Variants in INPP5A observed in about 807,000 individuals in gnomAD.
INPP5A encodes the protein inositol polyphosphate-5-phosphatase A.
A neutral mutation model predicts 65.2 loss-of-function variants in INPP5A; 14 were observed. The ratio of observed to expected loss-of-function variants is 0.21; its 90% CI spans 0.14 to 0.34. INPP5A has a LOEUF of 0.34. Among genes scored for constraint, INPP5A ranks in the 10% least tolerant of loss-of-function variants. The pLI, the probability that INPP5A is intolerant of heterozygous loss-of-function variation, is 1.00. For synonymous variants in INPP5A, 207 were observed against 208.3 expected (o/e 0.99, Z 0.05); for missense variants, 431 against 545.6 (o/e 0.79, Z 2.09).
chr10:132,772,303 C>T (rs112961978), intron 12 of INPP5A, among the ~76,000 whole-genome samples: 1 of 19,662 alleles, frequency 5.1e-5, no homozygotes. Context: ...AGCCACCCCA[C>T]GAGGAGTGGG....
chr10:132,592,098 A>G (rs1434580095), intron 1 of INPP5A, among the ~76,000 whole-genome samples: 1 of 152,272 alleles, frequency 6.6e-6, no homozygotes, highest in Non-Finnish European at 1.5e-5. Context: ...GAACTGTGCC[A>G]TAAATGAGGG....
chr10:132,711,085 CT>C (rs1384971005), intron 8 of INPP5A, among the ~76,000 whole-genome samples: 1 of 152,186 alleles, frequency 6.6e-6, no homozygotes, highest in Non-Finnish European at 1.5e-5. Flanking sequence ...TTCTCTCTGA[CT>C]TTTTTGTGGG....
intron 4 of INPP5A, among the ~76,000 whole-genome samples, chr10:132,680,753 G>C (rs910902636): frequency 1.3e-5 from 2 of 152,240 alleles, no homozygotes; most frequent in Admixed American, 6.5e-5. Flanking sequence ...CCCGCACTCC[G>C]AGCAGCCGGC....
chr10:132,665,004 T>A (rs1001153861), intron 4 of INPP5A, among the ~76,000 whole-genome samples: 1 of 152,114 alleles, frequency 6.6e-6, no homozygotes, highest in Non-Finnish European at 1.5e-5. Flanking sequence ...TGCCCCTGCC[T>A]GCCCAGAACT....
rs55886413 is a variant in INPP5A, at chr10:132,681,498, C to T, written c.307-8894C>T. On this transcript the variant is annotated intron_variant, in intron 4 of 15. Transcript: ENST00000368594. Reference sequence around the variant, plus strand: ...CATCAGAAGGAACAAACCCCGGACACGCCGCCTTTAAGAACTGTAACACTC... The same window carrying T: ...CATCAGAAGGAACAAACCCCGGACATGCCGCCTTTAAGAACTGTAACACTC... Among the ~76,000 whole-genome samples the T allele has an allele frequency of 2.0e-4, 30 of 152,268 alleles. No individual in the cohort carries two copies. The South Asian group carries it at 5.6e-3, about 28-fold the overall frequency.
chr10:132,768,860 C>T (rs1162506547), intron 12 of INPP5A, among the ~76,000 whole-genome samples: 1 of 152,250 alleles, frequency 6.6e-6, no homozygotes, highest in East Asian at 1.9e-4. Flanking sequence ...TACATCTTCC[C>T]ATCACTGCCA....
intron 1 of INPP5A, among the ~76,000 whole-genome samples, chr10:132,595,165 C>T (rs1406225027): frequency 2.0e-5 from 3 of 152,204 alleles, no homozygotes; most frequent in Non-Finnish European, 4.4e-5. Context: ...CGTGCTGGCA[C>T]CCTTTCTGGA....
At chr10:132,544,487 C>T (rs1195066019) in intron 1 of INPP5A, among the ~76,000 whole-genome samples, 1 of 151,834 alleles carries the variant, frequency 6.6e-6, no homozygotes, top group Non-Finnish European at 1.5e-5. Flanking sequence ...GGTGCACTTT[C>T]CCTGGGAGAA....
chr10:132,538,025 C>T lies in INPP5A; in HGVS notation c.-72C>T. Reference sequence around the variant, plus strand: ...ACGCCCCGCGGCCCCGCGAAGACCCCGGCCGGCCGGTCCCGGAGGAAGCGG... The same window carrying T: ...ACGCCCCGCGGCCCCGCGAAGACCCTGGCCGGCCGGTCCCGGAGGAAGCGG... On this transcript the variant is annotated 5_prime_UTR_variant, in exon 1 of 16. Coordinates refer to ENST00000368594, the MANE Select transcript of INPP5A (RefSeq NM_005539.5). The surrounding 1 kb of genome is among the most constrained non-coding windows in gnomAD (Gnocchi z 4.1). 2 of 765,842 alleles carry T rather than the reference C, an allele frequency of 2.6e-6. No individual in the cohort carries two copies. The highest frequency in any genetic ancestry group is 3.2e-6 in the Non-Finnish European group (2 of 631,034). The allele number at this position is 765,842 out of a possible 1,614,324, so 47.4% of individuals were successfully genotyped here.
intron 1 of INPP5A, among the ~76,000 whole-genome samples, chr10:132,588,085 A>G (rs1362195134): frequency 6.6e-6 from 1 of 151,594 alleles, no homozygotes; most frequent in Non-Finnish European, 1.5e-5. Context: ...ATTCTAGGGT[A>G]TGCAGCCCTT....
chr10:132,774,251 G>A (rs1329686884), intron 12 of INPP5A, among the ~76,000 whole-genome samples: 1 of 152,342 alleles, frequency 6.6e-6, no homozygotes, highest in African/African-American at 2.4e-5. Flanking sequence ...CCTGCAGGCT[G>A]CACGGGAAGG....
rs555635874 is a variant in INPP5A at position 132,741,667 on chromosome 10, G to A, written c.733-7850G>A. On this transcript the variant is annotated intron_variant, in intron 9 of 15. Coordinates refer to ENST00000368594, the MANE Select transcript of INPP5A (RefSeq NM_005539.5). This position sits in a 1 kb window ranked among gnomAD's most constrained non-coding sequence, Gnocchi z 4.4. ...GGAATGAAGGTGGACGTTGGTATCC[G>A]CGTCCGCTTGCTTTTCTCAATAGCC... Among the ~76,000 whole-genome samples the A allele has an allele frequency of 4.6e-4, 70 of 152,296 alleles. No individual in the cohort carries two copies. The highest frequency in any genetic ancestry group is 8.2e-4 in the Non-Finnish European group (56 of 68,026).
intron 1 of INPP5A, among the ~76,000 whole-genome samples, chr10:132,579,923 T>G (rs1026584274): frequency 6.6e-6 from 1 of 151,310 alleles, no homozygotes; most frequent in African/African-American, 2.4e-5. Context: ...TAAAAGTTTT[T>G]TTTTTTTTTG....
At chr10:132,774,857 G>A in intron 12 of INPP5A, among the ~76,000 whole-genome samples, 1 of 99,078 alleles carries the variant, frequency 1.0e-5, no homozygotes. Context: ...GGAGAGACGG[G>A]CAGGGAGGAG....
chr10:132,559,830 T>G (rs763487266), intron 1 of INPP5A, among the ~76,000 whole-genome samples: 5 of 152,274 alleles, frequency 3.3e-5, no homozygotes, highest in African/African-American at 4.8e-5. Flanking sequence ...CACCTGTGCT[T>G]CTTCCTTATG....
rs558363947 is a variant in INPP5A, at chr10:132,678,005, C to T, written c.307-12387C>T. Among the ~76,000 whole-genome samples the T allele has an allele frequency of 1.3e-5, 2 of 152,360 alleles. No homozygotes were observed. The highest frequency in any genetic ancestry group is 2.4e-5 in the African/African-American group (1 of 41,590). On this transcript the variant is annotated intron_variant, in intron 4 of 15. Coordinates refer to ENST00000368594, the MANE Select transcript of INPP5A (RefSeq NM_005539.5). This position sits in a 1 kb window ranked among gnomAD's most constrained non-coding sequence, Gnocchi z 4.1. ...TCGAACAGGAGGCAGAATGAGATTACGTGTGCATCTCTCCCGCCAGCAGCC... is the reference window on the plus strand; with the variant it reads ...TCGAACAGGAGGCAGAATGAGATTATGTGTGCATCTCTCCCGCCAGCAGCC...
chr10:132,744,051 G>A (rs1010788500), intron 9 of INPP5A, among the ~76,000 whole-genome samples: 3 of 152,246 alleles, frequency 2.0e-5, no homozygotes, highest in Non-Finnish European at 4.4e-5. Flanking sequence ...CAGGCTGGAC[G>A]GGCCCCCACA....
intron 1 of INPP5A, among the ~76,000 whole-genome samples, chr10:132,597,239 A>G (rs988411557): frequency 7.9e-5 from 12 of 152,234 alleles, no homozygotes; most frequent in Non-Finnish European, 1.3e-4. Context: ...TGAAGCCCTA[A>G]GTGACAGAAC....
rs2134502539 is a variant in INPP5A, at chr10:132,698,968, T to C, written c.474+1049T>C. Reference sequence around the variant, plus strand: ...CCTGTCACCCTGTGGCTCGGCCTCCTCATCCGTCTTCCCAAGGCCAAGGAC... The same window carrying C: ...CCTGTCACCCTGTGGCTCGGCCTCCCCATCCGTCTTCCCAAGGCCAAGGAC... On this transcript the variant is annotated intron_variant, in intron 6 of 15. Coordinates refer to ENST00000368594, the MANE Select transcript of INPP5A (RefSeq NM_005539.5). This position sits in a 1 kb window ranked among gnomAD's most constrained non-coding sequence, Gnocchi z 5.5. Among the ~76,000 whole-genome samples, 1 of 152,350 alleles carries C rather than the reference T, an allele frequency of 6.6e-6. No individual in the cohort carries two copies. Among genetic ancestry groups the C allele is most frequent in the East Asian group, 1.9e-4 (1 of 5,188 alleles).
Sources: allele counts gnomAD v4.1 joint callset (sites outside exome capture counted in the v4.1 genomes callset), GRCh38; gene constraint gnomAD v4.1.1; non-coding constraint Gnocchi (gnomAD v3.1); transcripts MANE v1.5; gene names NCBI Gene and HGNC (gene_info 2026-07-23, HGNC 2026-07-21).